Variants in CNTN5 observed in about 807,000 individuals in gnomAD.
The protein encoded by CNTN5 is contactin-5.
CNTN5 carries 77 observed loss-of-function variants against 129.1 expected under a neutral mutation model. That is an observed-to-expected ratio of 0.60 (90% CI 0.50 to 0.72). The LOEUF (loss-of-function observed/expected upper bound fraction) is 0.72. Ranked by LOEUF, CNTN5 falls within the 30% of genes least tolerant of loss-of-function variation. CNTN5 has a pLI of 0.00. For synonymous variants in CNTN5, 509 were observed against 465.6 expected (o/e 1.09, Z -1.20); for missense variants, 1,478 against 1,328.8 (o/e 1.11, Z -1.75).
chr11:99,043,110 A>G (rs922836686), intron 1 of CNTN5, among the ~76,000 whole-genome samples: 15 of 152,216 alleles, frequency 9.9e-5, no homozygotes, highest in African/African-American at 3.6e-4. Context: ...GGAAGAAAAT[A>G]TGTTTTTTAA....
intron 18 of CNTN5, among the ~76,000 whole-genome samples, chr11:100,285,267 A>G (rs1950750614): frequency 6.6e-6 from 1 of 152,244 alleles, no homozygotes; most frequent in Admixed American, 6.5e-5. Context: ...TTGATACAGT[A>G]AGAACCCTAC....
chr11:99,182,811 T>A lies in CNTN5; in HGVS notation c.-209-142535T>A, dbSNP rs576482286. 1.6e-4 allele frequency among the ~76,000 whole-genome samples: 24 copies of A among 152,292 alleles called. 1 individual carries two copies. Among genetic ancestry groups the A allele is most frequent in the African/African-American group, 5.5e-4 (23 of 41,558 alleles). On this transcript the variant is annotated intron_variant, in intron 1 of 24. Coordinates refer to ENST00000524871, the MANE Select transcript of CNTN5 (RefSeq NM_014361.4). ...TCTATTACAGCATACAGTGGTAACA[T>A]GTGTTCTAACATGTAATTCCTGACG...
chr11:99,857,740 A>T (rs1255565555), intron 6 of CNTN5, among the ~76,000 whole-genome samples: 1 of 152,148 alleles, frequency 6.6e-6, no homozygotes, highest in East Asian at 1.9e-4. Context: ...CCTTTTTAAA[A>T]AAACTGATTT....
intron 1 of CNTN5, among the ~76,000 whole-genome samples, chr11:99,273,885 TA>T (rs1863298755): frequency 6.6e-6 from 1 of 151,700 alleles, no homozygotes; most frequent in Admixed American, 6.6e-5. Flanking sequence ...CATTGACTAC[TA>T]AAAAAATACA....
chr11:99,388,232 A>T (rs374293327), intron 2 of CNTN5, among the ~76,000 whole-genome samples: 2 of 151,924 alleles, frequency 1.3e-5, no homozygotes, highest in East Asian at 1.9e-4. Flanking sequence ...CCTGGCCAAC[A>T]TGGTGAAACC....
At position 100,357,421 on chromosome 11, in the gene CNTN5, T is replaced by C. The variant is rs559564701; in HGVS notation, c.*1201T>C. The C allele has an allele frequency of 6.6e-6, 1 of 151,830 alleles. No individual in the cohort carries two copies. Among genetic ancestry groups the C allele is most frequent in the African/African-American group, 2.4e-5 (1 of 41,520 alleles). The allele number at this position is 151,830 out of a possible 1,614,324, so 9.4% of individuals were successfully genotyped here. ...TCTGTGGCTTGGGAAGTAATCCTTA[T>C]TTGCTATTTCAAAGAGTCATCTTGA... On this transcript the variant is annotated 3_prime_UTR_variant, in exon 25 of 25. Transcript: ENST00000524871.
intron 8 of CNTN5, among the ~76,000 whole-genome samples, chr11:99,986,819 A>C (rs1208837461): frequency 1.3e-5 from 2 of 152,172 alleles, no homozygotes; most frequent in Non-Finnish European, 2.9e-5. Flanking sequence ...CACATTGCCA[A>C]AGCTAATGGG....
rs1229361121 is a variant in CNTN5, at chr11:99,620,520, TTTC to T, written c.55+64254_55+64256del. Among the ~76,000 whole-genome samples the T allele has an allele frequency of 8.7e-3, 742 of 84,884 alleles. 5 individuals are homozygous for T. Among genetic ancestry groups the T allele is most frequent in the Middle Eastern group, 0.023 (3 of 130 alleles). The allele number at this position is 84,884 out of a possible 152,430, so 55.7% of individuals were successfully genotyped here. ...CTTTTTTTCTTTTCTTTTTTTTTTT[TTTC>T]TTTTTGCTCTTTAACTACATGAAAA... On this transcript the variant is annotated intron_variant, in intron 3 of 24. Transcript: ENST00000524871.
chr11:99,794,368 G>C (rs1313796347), intron 3 of CNTN5, among the ~76,000 whole-genome samples: 1 of 151,880 alleles, frequency 6.6e-6, no homozygotes, highest in East Asian at 1.9e-4. Context: ...GGTTTTCCTT[G>C]TTTATCCAAC....
chr11:99,381,292 C>T (rs954155073), intron 2 of CNTN5, among the ~76,000 whole-genome samples: 1 of 152,070 alleles, frequency 6.6e-6, no homozygotes, highest in African/African-American at 2.4e-5. Flanking sequence ...AAAGTCTTCT[C>T]ACAGGAAATA....
At chr11:99,756,724 A>G (rs974147064) in intron 3 of CNTN5, among the ~76,000 whole-genome samples, 1 of 152,086 alleles carries the variant, frequency 6.6e-6, no homozygotes, top group African/African-American at 2.4e-5. Flanking sequence ...ATGTACTTTC[A>G]CTAACTCTTT....
At chr11:99,316,031 G>T (rs183132741) in intron 1 of CNTN5, among the ~76,000 whole-genome samples, 1 of 152,218 alleles carries the variant, frequency 6.6e-6, no homozygotes, top group South Asian at 2.1e-4. Flanking sequence ...CCTGGTAGTT[G>T]TTCTTTAATT....
In CNTN5 at chr11:99,398,767, T is replaced by C. The variant is rs573244458; in HGVS notation, c.-71+73283T>C. ...ATTTTTTTACTTTAAAGACCATCTTTGGTTGCCTTCAGTTTTTGGCGATTA... is the reference window on the plus strand; with the variant it reads ...ATTTTTTTACTTTAAAGACCATCTTCGGTTGCCTTCAGTTTTTGGCGATTA... On this transcript the variant is annotated intron_variant, in intron 2 of 24. Transcript: ENST00000524871. 1.0e-3 allele frequency among the ~76,000 whole-genome samples: 155 copies of C among 152,064 alleles called. 1 individual carries two copies. The highest frequency in any genetic ancestry group is 1.8e-3 in the Non-Finnish European group (123 of 67,880).
intron 1 of CNTN5, among the ~76,000 whole-genome samples, chr11:99,119,077 T>C (rs1429872463): frequency 6.6e-6 from 1 of 152,174 alleles, no homozygotes; most frequent in Non-Finnish European, 1.5e-5. Context: ...TTAAATCCAT[T>C]AGTTCAAGTT....
intron 13 of CNTN5, among the ~76,000 whole-genome samples, chr11:100,079,412 G>A (rs563776528): frequency 6.6e-6 from 1 of 152,064 alleles, no homozygotes; most frequent in South Asian, 2.1e-4. Context: ...ATCAATCTAT[G>A]TCCGCAAATC....
At chr11:99,899,681 A>C (rs1238665708) in intron 6 of CNTN5, among the ~76,000 whole-genome samples, 1 of 151,900 alleles carries the variant, frequency 6.6e-6, no homozygotes, top group Non-Finnish European at 1.5e-5. Flanking sequence ...TTGACCTATA[A>C]TTCCTTTTTT....
At chr11:99,317,999 T>C (rs1385531997) in intron 1 of CNTN5, among the ~76,000 whole-genome samples, 3 of 152,168 alleles carry the variant, frequency 2.0e-5, no homozygotes, top group African/African-American at 7.2e-5. Context: ...GGTGTGGTCC[T>C]AGACTGAAAA....
intron 3 of CNTN5, among the ~76,000 whole-genome samples, chr11:99,712,145 G>T (rs1046891077): frequency 2.6e-5 from 4 of 151,968 alleles, no homozygotes; most frequent in African/African-American, 4.8e-5. Flanking sequence ...AGCATCTGTT[G>T]TTTCTTGACT....
chr11:99,797,677 A>G (rs1005157523), intron 3 of CNTN5, among the ~76,000 whole-genome samples: 2 of 152,076 alleles, frequency 1.3e-5, no homozygotes, highest in Non-Finnish European at 2.9e-5. Context: ...TTTAGATATT[A>G]GATCTTCATC....
Sources: allele counts gnomAD v4.1 joint callset (sites outside exome capture counted in the v4.1 genomes callset), GRCh38; gene constraint gnomAD v4.1.1; transcripts MANE v1.5; gene names NCBI Gene and HGNC (gene_info 2026-07-23, HGNC 2026-07-21).